SDK1: variants seen among roughly 807,000 people sequenced by gnomAD.
SDK1 encodes sidekick cell adhesion molecule 1.
Under a neutral mutation model 245.5 loss-of-function variants are expected in SDK1, and 157 were observed. The observed-to-expected ratio is 0.64, with a 90% CI of 0.56 to 0.73. The LOEUF (loss-of-function observed/expected upper bound fraction) is 0.73, where lower values mean the gene tolerates loss of function less well. SDK1 is among the 30% of genes least tolerant of loss of function. The pLI is 0.00. For synonymous variants in SDK1, 1,647 were observed against 1,278.5 expected (o/e 1.29, Z -6.15); for missense variants, 3,583 against 3,002.3 (o/e 1.19, Z -4.52).
chr7:4,248,280 A>G (rs1787037746), intron 44 of SDK1, among the ~76,000 whole-genome samples: 1 of 150,888 alleles, frequency 6.6e-6, no homozygotes, highest in Non-Finnish European at 1.5e-5. Context: ...ACCTAAATAC[A>G]CACACACGCA....
rs188326968 is a variant in SDK1 at position 3,745,445 on chromosome 7, T to C, written c.714-76005T>C. 3.3e-3 allele frequency among the ~76,000 whole-genome samples: 508 copies of C among 152,338 alleles called. 2 individuals are homozygous for C. The highest frequency in any genetic ancestry group is 5.5e-3 in the Non-Finnish European group (377 of 68,032). On this transcript the variant is annotated intron_variant, in intron 4 of 44. Coordinates refer to ENST00000404826, the MANE Select transcript of SDK1 (RefSeq NM_152744.4). ...AATGTTGCATAACTGGAGTGTGGCA[T>C]AAAGACTGAGAAACTGACATTTATA...
intron 20 of SDK1, among the ~76,000 whole-genome samples, chr7:4,071,584 C>G (rs1314952915): frequency 6.6e-6 from 1 of 152,168 alleles, no homozygotes. Flanking sequence ...GGGGAGGGCA[C>G]TATAGACTGC....
intron 13 of SDK1, among the ~76,000 whole-genome samples, chr7:3,982,200 C>T (rs1257059696): frequency 6.6e-6 from 1 of 152,184 alleles, no homozygotes; most frequent in African/African-American, 2.4e-5. Flanking sequence ...GATGACAGCT[C>T]TTCTGTTTAC....
rs538423534 is a variant in SDK1, at chr7:3,386,266, A to G, written c.298+84382A>G. Among the ~76,000 whole-genome samples, 29 of 152,308 alleles carry G rather than the reference A, an allele frequency of 1.9e-4. No individual in the cohort carries two copies. In the South Asian group the frequency reaches 5.2e-3, roughly 27 times the overall value. On this transcript the variant is annotated intron_variant, in intron 1 of 44. Transcript: ENST00000404826. ...CAAGATTTGGTTTTATACTTTATCT[A>G]TTAGAAGTTTGGGTTTGGTGATACT...
rs147335544 is a variant in SDK1 at position 3,479,479 on chromosome 7, C to G, written c.299-139601C>G. 1.2e-3 allele frequency among the ~76,000 whole-genome samples: 180 copies of G among 148,454 alleles called. 1 individual carries two copies. Among genetic ancestry groups the G allele is most frequent in the Admixed American group, 2.7e-3 (40 of 14,886 alleles). Reference sequence around the variant, plus strand: ...TTGTCCAATTGGTGGATACAGGGCTCTAAAAATATCTGTTAATCATATTGT... The same window carrying G: ...TTGTCCAATTGGTGGATACAGGGCTGTAAAAATATCTGTTAATCATATTGT... On this transcript the variant is annotated intron_variant, in intron 1 of 44. Coordinates refer to ENST00000404826, the MANE Select transcript of SDK1 (RefSeq NM_152744.4).
chr7:3,585,199 A>G (rs943209854), intron 1 of SDK1, among the ~76,000 whole-genome samples: 1 of 152,224 alleles, frequency 6.6e-6, no homozygotes, highest in African/African-American at 2.4e-5. Context: ...ACTGAGTGCT[A>G]GAGACGGGTG....
intron 19 of SDK1, among the ~76,000 whole-genome samples, chr7:4,060,789 T>A (rs1210872814): frequency 6.6e-6 from 1 of 152,200 alleles, no homozygotes. Context: ...AACGTTTAGG[T>A]CTTTAATCCA....
chr7:3,584,619 T>C (rs930210673), intron 1 of SDK1, among the ~76,000 whole-genome samples: 13 of 152,294 alleles, frequency 8.5e-5, no homozygotes, highest in Admixed American at 8.5e-4. Context: ...TGCTGGCTTC[T>C]GAGAGAACTT....
chr7:4,058,599 G>A (rs185602338), intron 19 of SDK1, among the ~76,000 whole-genome samples: 15 of 152,180 alleles, frequency 9.9e-5, no homozygotes, highest in African/African-American at 3.4e-4. Flanking sequence ...AACACCAAAA[G>A]AAAAGCATCT....
rs1168192544 is a variant in SDK1, at chr7:4,241,810, A to G, written c.6148A>G (p.Met2050Val). The change falls in exon 43 of 45, where the codon ATG (methionine) becomes GTG (valine). Residue 2050 changes from methionine (M) to valine (V), a missense_variant. Physicochemically the swap from Met to Val is conservative, Grantham distance 21 (BLOSUM62 1). Coordinates refer to ENST00000404826, the MANE Select transcript of SDK1 (RefSeq NM_152744.4). ...NCSTGKGIST[M>V]EESVTLDNGG... ...GGCTTTAGGAAAGGGGATCTCCACCATGGAGGAGTCTGTGACCCTGGACAA... is the reference window on the plus strand; with the variant it reads ...GGCTTTAGGAAAGGGGATCTCCACCGTGGAGGAGTCTGTGACCCTGGACAA... The G allele has an allele frequency of 6.2e-7, 1 of 1,614,170 alleles. No individual in the cohort carries two copies. The highest frequency in any genetic ancestry group is 2.2e-5 in the East Asian group (1 of 44,872).
intron 17 of SDK1, among the ~76,000 whole-genome samples, chr7:4,048,541 A>T (rs554061509): frequency 8.7e-5 from 13 of 149,166 alleles, no homozygotes; most frequent in African/African-American, 3.0e-4. Flanking sequence ...CCTTGGCAAC[A>T]TTTTGCCTTT....
intron 1 of SDK1, among the ~76,000 whole-genome samples, chr7:3,468,887 A>G (rs1781094322): frequency 6.6e-6 from 1 of 152,132 alleles, no homozygotes; most frequent in Admixed American, 6.5e-5. Flanking sequence ...CTCATCAGTG[A>G]TTTTTAGCAT....
chr7:4,221,150 G>A (rs1785131766), intron 39 of SDK1, 89 bp from the exon 40 acceptor site: 1 of 1,516,850 alleles, frequency 6.6e-7, no homozygotes, highest in African/African-American at 1.4e-5. Flanking sequence ...GCCTCGACCG[G>A]TCTGACCCCC....
chr7:3,675,444 A>G (rs1294512491), intron 4 of SDK1, among the ~76,000 whole-genome samples: 1 of 152,206 alleles, frequency 6.6e-6, no homozygotes, highest in African/African-American at 2.4e-5. Context: ...CAGTCTTCAA[A>G]ATCAGAAATT....
chr7:4,171,573 C>G (rs1781840566), intron 32 of SDK1, among the ~76,000 whole-genome samples: 1 of 152,210 alleles, frequency 6.6e-6, no homozygotes, highest in Non-Finnish European at 1.5e-5. Context: ...TGAGCATGCT[C>G]CAGCCCCGTG....
chr7:3,449,049 G>C (rs1387713052), intron 1 of SDK1, among the ~76,000 whole-genome samples: 1 of 152,174 alleles, frequency 6.6e-6, no homozygotes, highest in Admixed American at 6.5e-5. Context: ...TGTAAACATA[G>C]TGAAGAAAGG....
intron 40 of SDK1, among the ~76,000 whole-genome samples, chr7:4,224,622 T>C (rs998967688): frequency 2.0e-5 from 3 of 152,094 alleles, no homozygotes; most frequent in Non-Finnish European, 4.4e-5. Flanking sequence ...TGGTTTCCTT[T>C]TCAATTTTAG....
At chr7:3,760,194 A>G (rs1475290724) in intron 4 of SDK1, among the ~76,000 whole-genome samples, 1 of 152,136 alleles carries the variant, frequency 6.6e-6, no homozygotes. Context: ...GGTCTCGGCC[A>G]TTTGGGTGGC....
chr7:3,915,064 T>C (rs1779320300), intron 5 of SDK1, among the ~76,000 whole-genome samples: 1 of 152,200 alleles, frequency 6.6e-6, no homozygotes, highest in African/African-American at 2.4e-5. Flanking sequence ...GATTATTCTC[T>C]TGTACGGCCG....
Sources: gnomAD v4.1 joint callset for allele counts (sites outside exome capture counted in the v4.1 genomes callset) on GRCh38, gnomAD v4.1.1 for gene constraint, MANE v1.5 for transcripts, NCBI Gene and HGNC (gene_info 2026-07-23, HGNC 2026-07-21) for gene names.